The following TBPL1 variants were observed in gnomAD, a reference collection of about 807,000 sequenced individuals.
The protein encoded by TBPL1 is TATA-box binding protein like 1.
A neutral mutation model predicts 22.1 loss-of-function variants in TBPL1; 4 were observed. That is an observed-to-expected ratio of 0.18 (90% CI 0.09 to 0.41). The LOEUF is 0.41. TBPL1 is among the 10% of genes least tolerant of loss of function. The probability of loss-of-function intolerance (pLI) is 1.00; values close to 1 mark genes in which losing one functional copy is unlikely to be tolerated. For missense variants in TBPL1, 115 were observed against 222.3 expected, an observed-to-expected ratio of 0.52 and a Z score of 3.07; for synonymous variants, 64 against 71.0, an observed-to-expected ratio of 0.90 and a Z score of 0.50.
chr6:133,975,191 A>G (rs997234435), intron 1 of TBPL1, among the ~76,000 whole-genome samples: 1 of 152,206 alleles, frequency 6.6e-6, no homozygotes, highest in African/African-American at 2.4e-5. Context: ...GACGAGAGCA[A>G]TAAAAAGCAG....
intron 6 of TBPL1, among the ~76,000 whole-genome samples, chr6:133,986,446 A>G (rs1366201312): frequency 6.6e-6 from 1 of 152,146 alleles, no homozygotes; most frequent in Non-Finnish European, 1.5e-5. Flanking sequence ...TGAGGGTGAA[A>G]TGACCAGATT....
At chr6:133,984,907 CTATAT>C (rs1388680474) in intron 6 of TBPL1, among the ~76,000 whole-genome samples, 1 of 151,984 alleles carries the variant, frequency 6.6e-6, no homozygotes, top group African/African-American at 2.4e-5. Context: ...TGAGTTTCAT[CTATAT>C]TATATTCTAT....
chr6:133,966,120 G>T (rs1776114401), intron 1 of TBPL1, among the ~76,000 whole-genome samples: 2 of 152,158 alleles, frequency 1.3e-5, no homozygotes, highest in African/African-American at 4.8e-5. Flanking sequence ...GTGTGTGTGT[G>T]TCGTGTGGGT....
chr6:133,974,004 CAAA>C, intron 1 of TBPL1, among the ~76,000 whole-genome samples: 1 of 124,606 alleles, frequency 8.0e-6, no homozygotes, highest in Admixed American at 8.1e-5. Flanking sequence ...CAGACTTTAC[CAAA>C]AAAAAAAAAA....
At chr6:133,985,298 ATATATATATATATATATATATATAT>A (rs1776495203) in intron 6 of TBPL1, among the ~76,000 whole-genome samples, 2 of 31,122 alleles carry the variant, frequency 6.4e-5, no homozygotes, top group African/African-American at 2.9e-4. Flanking sequence ...AAAAAAAAAA[ATATATATATATATATATATATATAT>A]ATATATATAT....
At chr6:133,960,610 A>G (rs1427871619) in intron 1 of TBPL1, among the ~76,000 whole-genome samples, 1 of 152,174 alleles carries the variant, frequency 6.6e-6, no homozygotes, top group Non-Finnish European at 1.5e-5. Flanking sequence ...TAAAATTAGA[A>G]GAGTTTCAAA....
chr6:133,969,398 A>G (rs1031396248), intron 1 of TBPL1, among the ~76,000 whole-genome samples: 2 of 152,068 alleles, frequency 1.3e-5, no homozygotes, highest in Non-Finnish European at 2.9e-5. Flanking sequence ...TATTCACATG[A>G]ATGCTACCTG....
chr6:133,985,297 A>AAAATATAT (rs1449435525), intron 6 of TBPL1, among the ~76,000 whole-genome samples: 5 of 42,904 alleles, frequency 1.2e-4, no homozygotes, highest in African/African-American at 4.6e-4. Context: ...AAAAAAAAAA[A>AAAATATAT]ATATATATAT....
upstream of TBPL1, chr6:133,952,324 C>G (rs923631531): frequency 2.0e-5 from 3 of 152,412 alleles, no homozygotes; most frequent in African/African-American, 4.8e-5. This position sits in a 1 kb window ranked among gnomAD's most constrained non-coding sequence, Gnocchi z 4.5. Context: ...GGGCGCAGAG[C>G]CGCGGAGGGT....
intron 1 of TBPL1, among the ~76,000 whole-genome samples, chr6:133,959,544 C>T (rs939611816): frequency 2.9e-4 from 44 of 152,076 alleles, no homozygotes; most frequent in Non-Finnish European, 7.4e-5. Context: ...TGCAGTGGCG[C>T]GATCTCGGCT....
intron 1 of TBPL1, among the ~76,000 whole-genome samples, chr6:133,963,214 G>A (rs1462329934): frequency 6.6e-6 from 1 of 152,158 alleles, no homozygotes; most frequent in African/African-American, 2.4e-5. Flanking sequence ...TAGAAGAATA[G>A]AGCCCTTTTT....
chr6:133,976,300 C>T (rs1362150623), intron 1 of TBPL1, among the ~76,000 whole-genome samples: 3 of 151,892 alleles, frequency 2.0e-5, no homozygotes, highest in Non-Finnish European at 2.9e-5. Flanking sequence ...GATTTCATAG[C>T]GTTCATACAC....
In TBPL1 at chr6:133,954,400, A is replaced by G. The variant is rs568928096; in HGVS notation, c.-45+975A>G. ...CATAAGAAGGTTCAGCCATCCTGGC[A>G]TAATTTCGCAGTCTCTTTGAGAAAA... is the stretch of plus-strand genomic sequence containing the variant. On this transcript the variant is annotated intron_variant, in intron 1 of 6. Coordinates refer to ENST00000237264, the MANE Select transcript of TBPL1 (RefSeq NM_004865.4). 2.1e-4 allele frequency among the ~76,000 whole-genome samples: 32 copies of G among 152,394 alleles called. No individual in the cohort carries two copies. In the South Asian group the frequency reaches 5.8e-3, roughly 28 times the overall value.
rs200249148 is a variant in TBPL1 at position 133,987,648 on chromosome 6, G to GTGTGTGTATA, written c.*609_*610insGTGTGTATAT. 1.1e-5 allele frequency: 1 copy of GTGTGTGTATA among 88,320 alleles called. No homozygotes were observed. Among genetic ancestry groups the GTGTGTGTATA allele is most frequent in the Non-Finnish European group, 2.8e-5 (1 of 35,238 alleles). The allele number at this position is 88,320 out of a possible 1,614,324, so 5.5% of individuals were successfully genotyped here. ...TTTGTGTGTGTGTGTGTGTGTGTGT[G>GTGTGTGTATA]TATATATATATATATATATGCACCA... On this transcript the variant is annotated 3_prime_UTR_variant, in exon 7 of 7. Transcript: ENST00000237264.
At chr6:133,980,287 A>G (rs1386338978) in intron 2 of TBPL1, 27 bp downstream of exon 2, 1 of 1,581,242 alleles carries the variant, frequency 6.3e-7, no homozygotes, top group Admixed American at 1.8e-5. Context: ...TCGTATTTGT[A>G]CTACATAGCC....
In TBPL1 at chr6:133,984,614, A is replaced by T. The variant is rs1460246703; in HGVS notation, c.424A>T (p.Ile142Leu). ...PELHPAVCYR[I>L]KSLRATLQIF... Reference sequence around the variant, plus strand: ...ACTTCATCCTGCTGTGTGCTATCGGATAAAATCTCTAAGAGCTACATTACA... The same window carrying T: ...ACTTCATCCTGCTGTGTGCTATCGGTTAAAATCTCTAAGAGCTACATTACA... The change falls in exon 6 of 7, where the codon ATA becomes TTA. Residue 142 changes from isoleucine to leucine, a missense_variant. Ile to Leu is a conservative substitution (Grantham distance 5). Transcript: ENST00000237264. The T allele has an allele frequency of 1.2e-6, 2 of 1,613,410 alleles. No individual in the cohort carries two copies. Among genetic ancestry groups the T allele is most frequent in the South Asian group, 2.2e-5 (2 of 91,050 alleles).
intron 1 of TBPL1, among the ~76,000 whole-genome samples, chr6:133,960,064 T>C (rs72982263): frequency 0.025 from 3,815 of 152,302 alleles, 77 homozygotes; most frequent in African/African-American, 0.052. Flanking sequence ...CTGCAGTGTG[T>C]TCCTTGGGCA....
At chr6:133,959,310 G>A (rs934863460) in intron 1 of TBPL1, among the ~76,000 whole-genome samples, 1 of 152,050 alleles carries the variant, frequency 6.6e-6, no homozygotes, top group South Asian at 2.1e-4. Flanking sequence ...GGAGTGCTGG[G>A]ATTATGGGCA....
chr6:133,966,142 C>A (rs1452891682), intron 1 of TBPL1, among the ~76,000 whole-genome samples: 2 of 151,922 alleles, frequency 1.3e-5, no homozygotes, highest in South Asian at 2.1e-4. Context: ...TGTAAGTAAA[C>A]ATTGCTTTTT....
Sources: allele counts gnomAD v4.1 joint callset (sites outside exome capture counted in the v4.1 genomes callset), GRCh38; gene constraint gnomAD v4.1.1; non-coding constraint Gnocchi (gnomAD v3.1); transcripts MANE v1.5; gene names NCBI Gene and HGNC (gene_info 2026-07-23, HGNC 2026-07-21).